The following ARPC1B variants were observed in gnomAD, a reference collection of about 807,000 sequenced individuals.
ARPC1B encodes actin-related protein 2/3 complex subunit 1B.
A neutral mutation model predicts 46.0 loss-of-function variants in ARPC1B; 29 were observed. The observed-to-expected ratio is 0.63, with a 90% CI of 0.47 to 0.86. The LOEUF (loss-of-function observed/expected upper bound fraction) is 0.86, where lower values mean the gene tolerates loss of function less well. ARPC1B is among the 40% of genes least tolerant of loss of function. ARPC1B has a pLI of 0.00. For missense variants in ARPC1B, 469 were observed against 529.4 expected (o/e 0.89, Z 1.12); for synonymous variants, 201 against 213.9 (o/e 0.94, Z 0.53).
In ARPC1B at chr7:99,391,208, ACTGCT is replaced by A. The variant is rs760191638; in HGVS notation, c.739_743del (p.Leu247GlyfsTer25). 2.3e-5 allele frequency: 37 copies of A among 1,613,658 alleles called. No homozygotes were observed. The highest frequency in any genetic ancestry group is 3.1e-5 in the Non-Finnish European group (37 of 1,179,854). On this transcript the variant is annotated frameshift_variant, in exon 7 of 10. Coordinates refer to ENST00000646101, the MANE Select transcript of ARPC1B (RefSeq NM_005720.4). LOFTEE classifies it high-confidence loss of function. ...CGACTCTGGCCTCTGAAACACTACC[ACTGCT>A]GGCGCTGACCTTCATCACAGACAAC...
rs1467515598 is a variant in ARPC1B, at chr7:99,392,703, T to C, written c.816T>C (p.Tyr272=). ...ACTGCTTCCCGGTGCTGTTCACCTA[T>C]GACGCCGCCGCGGGGATGCTGAGCT... ...GHDCFPVLFT[Y]DAAAGMLSFG... is the part of the protein sequence containing the mutation. Residue 272 remains tyrosine (Y), a synonymous_variant, in exon 8 of 10, where the codon TAT becomes TAC. Transcript: ENST00000646101. 2 of 1,545,746 alleles carry C rather than the reference T, an allele frequency of 1.3e-6. No homozygotes were observed. Among genetic ancestry groups the C allele is most frequent in the East Asian group, 2.5e-5 (1 of 40,738 alleles).
intron 3 of ARPC1B, 143 bp downstream of exon 3, chr7:99,386,932 G>T: frequency 1.5e-6 from 1 of 666,410 alleles, no homozygotes. Context: ...AATTTTAAGG[G>T]GACTGTGTTG....
chr7:99,384,954 ATTTTTTTTTT>A (rs753952597), intron 1 of ARPC1B, among the ~76,000 whole-genome samples: 4 of 67,420 alleles, frequency 5.9e-5, no homozygotes, highest in South Asian at 5.6e-4. Context: ...CACCTGGCTA[ATTTTTTTTTT>A]TTTTTTTTTT....
intron 9 of ARPC1B, 135 bp downstream of exon 9, chr7:99,394,254 G>A: frequency 1.7e-6 from 2 of 1,155,014 alleles, no homozygotes; most frequent in South Asian, 1.3e-5. Flanking sequence ...GGTGGGGGCG[G>A]CCCCTTGACA....
chr7:99,375,390 C>T (rs2150883042), intron 1 of ARPC1B, among the ~76,000 whole-genome samples: 1 of 152,330 alleles, frequency 6.6e-6, no homozygotes, highest in Non-Finnish European at 1.5e-5. Context: ...TCCGAGGGGT[C>T]CCGTACGGGG....
At chr7:99,379,423 C>T (rs74552228) in intron 1 of ARPC1B, among the ~76,000 whole-genome samples, 8,509 of 152,226 alleles carry the variant, frequency 0.056, 279 homozygotes, top group African/African-American at 0.088. Context: ...GCAAATTAGC[C>T]TGCTGGCTGC....
At chr7:99,385,617 T>G in intron 1 of ARPC1B, 85 bp from the exon 2 acceptor site, 89 of 1,208,498 alleles carry the variant, frequency 7.4e-5, no homozygotes, top group Non-Finnish European at 9.9e-5. Context: ...GTGAGGCCTG[T>G]GAGGATCATC....
At chr7:99,375,694 G>A (rs1404023037) in intron 1 of ARPC1B, among the ~76,000 whole-genome samples, 1 of 152,220 alleles carries the variant, frequency 6.6e-6, no homozygotes, top group Non-Finnish European at 1.5e-5. Context: ...AGGCCCAGGC[G>A]GGAGGATCGC....
intron 8 of ARPC1B, among the ~76,000 whole-genome samples, chr7:99,393,558 T>A (rs11978089): frequency 6.6e-6 from 1 of 151,738 alleles, no homozygotes; most frequent in Admixed American, 6.6e-5. Flanking sequence ...AAGAGGCTCT[T>A]CAAAGCCCAA....
chr7:99,384,843 A>T (rs1584403598), intron 1 of ARPC1B, among the ~76,000 whole-genome samples: 2 of 137,658 alleles, frequency 1.5e-5, no homozygotes, highest in East Asian at 4.5e-4. Context: ...TAGGTGGTTT[A>T]TGAGATTACT....
chr7:99,378,738 G>T (rs1274157363), intron 1 of ARPC1B, among the ~76,000 whole-genome samples: 2 of 151,048 alleles, frequency 1.3e-5, no homozygotes, highest in Non-Finnish European at 2.9e-5. Context: ...AGGACCAAAT[G>T]GGTGTATGTG....
chr7:99,392,879 G>A lies in ARPC1B; in HGVS notation c.989+3G>A, dbSNP rs1001750741. ...TCGCTGCACAAGAACAGCGTCAGGT[G>A]AGAGCGGGAGCCGGGCCGGCGGGTG... On this transcript the variant is annotated splice_donor_region_variant and intron_variant, in intron 8 of 9. Coordinates refer to ENST00000646101, the MANE Select transcript of ARPC1B (RefSeq NM_005720.4). The A allele has an allele frequency of 5.9e-6, 9 of 1,534,650 alleles. No homozygotes were observed. Among genetic ancestry groups the A allele is most frequent in the Non-Finnish European group, 7.9e-6 (9 of 1,137,636 alleles).
In ARPC1B at chr7:99,386,800, G is replaced by A. The variant is rs1027161284; in HGVS notation, c.169+11G>A. On this transcript the variant is annotated intron_variant, in intron 3 of 9. Coordinates refer to ENST00000646101, the MANE Select transcript of ARPC1B (RefSeq NM_005720.4). ...ACGGGCAGGTGACAGGTATGTCAGG[G>A]TGGCTGGGACCACCGTCCTGAAAGG... 1 of 1,607,232 alleles carries A rather than the reference G, an allele frequency of 6.2e-7. No individual in the cohort carries two copies. The highest frequency in any genetic ancestry group is 8.5e-7 in the Non-Finnish European group (1 of 1,174,502).
chr7:99,394,780 A>C lies in ARPC1B; in HGVS notation c.*291A>C, dbSNP rs1292555557. ...TGGAGGTAATAAAATGCAACTGTGT[A>C]AAAAAAAAAAAAAAAAAAAAAGTAA... On this transcript the variant is annotated 3_prime_UTR_variant, in exon 10 of 10. Transcript: ENST00000646101. 5.8e-6 allele frequency: 1 copy of C among 172,560 alleles called. No homozygotes were observed. Among genetic ancestry groups the C allele is most frequent in the Non-Finnish European group, 7.3e-6 (1 of 137,210 alleles). 10.7% of individuals were successfully genotyped at this position (172,560 alleles called of 1,614,324 possible).
At chr7:99,393,082 G>C (rs1425811871) in intron 8 of ARPC1B, among the ~76,000 whole-genome samples, 4 of 152,000 alleles carry the variant, frequency 2.6e-5, no homozygotes, top group African/African-American at 9.7e-5. Context: ...ACGAGGGGAC[G>C]GGGCCGATTT....
rs1299876206 is a variant in ARPC1B at position 99,390,895 on chromosome 7, T to C, written c.503T>C (p.Ile168Thr). Reference protein sequence around the residue: ...AAGSCDFKCRIFSAYIKEVEE... With the variant: ...AAGSCDFKCRTFSAYIKEVEE... ...CTCTACTTTGCCTATCCCGGTAGGA[T>C]CTTTTCAGCCTACATCAAGGAGGTG... Residue 168 changes from isoleucine (I) to threonine (T), a missense_variant and splice_region_variant, in exon 6 of 10, where the codon ATC (isoleucine) becomes ACC (threonine). Transcript: ENST00000646101. The C allele has an allele frequency of 4.4e-6, 7 of 1,602,722 alleles. No homozygotes were observed. The Admixed American group carries it at 1.2e-4, about 27-fold the overall frequency.
At chr7:99,393,912 C>T (rs1328340964) in intron 8 of ARPC1B, 117 bp from the exon 9 acceptor site, 7 of 980,896 alleles carry the variant, frequency 7.1e-6, no homozygotes, top group Middle Eastern at 2.1e-4. Context: ...TACACCCCCT[C>T]GGTACTTCTC....
intron 1 of ARPC1B, among the ~76,000 whole-genome samples, chr7:99,382,171 C>T (rs1346505398): frequency 6.6e-6 from 1 of 152,134 alleles, no homozygotes; most frequent in African/African-American, 2.4e-5. Context: ...GGCGCGGTGG[C>T]TCATGCCTGT....
At chr7:99,387,358 C>T (rs563968951) in intron 3 of ARPC1B, among the ~76,000 whole-genome samples, 2 of 152,228 alleles carry the variant, frequency 1.3e-5, no homozygotes, top group Admixed American at 1.3e-4. Context: ...CGCTTGAACC[C>T]AGGAGGCGGA....
Sources: allele counts gnomAD v4.1 joint callset (sites outside exome capture counted in the v4.1 genomes callset), GRCh38; gene constraint gnomAD v4.1.1; transcripts MANE v1.5; gene names NCBI Gene and HGNC (gene_info 2026-07-23, HGNC 2026-07-21).